Variants in GAL3ST2 observed in about 807,000 individuals in gnomAD.
GAL3ST2 encodes galactose-3-O-sulfotransferase 2, also known as beta-galactose-3-O-sulfotransferase 2.
In GAL3ST2, 16 loss-of-function variants were observed where a neutral mutation model predicts 12.9. The ratio of observed to expected loss-of-function variants is 1.24; its 90% CI spans 0.84 to 1.88. GAL3ST2 has a LOEUF of 1.88. GAL3ST2 is among the 40% of genes most tolerant of loss of function. The pLI, the probability that GAL3ST2 is intolerant of heterozygous loss-of-function variation, is 0.00. For missense variants in GAL3ST2, 639 were observed against 571.8 expected (o/e 1.12, Z -1.20); for synonymous variants, 302 against 273.9 (o/e 1.10, Z -1.01).
intron 1 of GAL3ST2, among the ~76,000 whole-genome samples, chr2:241,794,116 T>C (rs1237099443): frequency 3.3e-5 from 5 of 151,882 alleles, no homozygotes; most frequent in Non-Finnish European, 5.9e-5. Flanking sequence ...CTGGCTAATT[T>C]TTGTATTTTT....
intron 1 of GAL3ST2, among the ~76,000 whole-genome samples, chr2:241,794,629 G>A (rs1017301821): frequency 5.9e-5 from 9 of 152,176 alleles, no homozygotes; most frequent in East Asian, 1.9e-4. Context: ...TCCAAGTCCC[G>A]AGGCTCCAAC....
intron 1 of GAL3ST2, 30 bp from the exon 2 acceptor site, chr2:241,799,035 C>A: frequency 6.4e-7 from 1 of 1,573,314 alleles, no homozygotes; most frequent in Non-Finnish European, 8.7e-7. Flanking sequence ...ACGACCCGGA[C>A]TGGGCACTCA....
At position 241,778,386 on chromosome 2, in the gene GAL3ST2, C is replaced by T. The variant is rs534738034; in HGVS notation, c.29+1402C>T. 1.2e-4 allele frequency among the ~76,000 whole-genome samples: 19 copies of T among 152,360 alleles called. No homozygotes were observed. In the South Asian group the frequency reaches 2.3e-3, roughly 18 times the overall value. On this transcript the variant is annotated intron_variant, in intron 1 of 3. Transcript: ENST00000192314. ...GCTAGTGAGGCCTAGTCTTGACCAC[C>T]GGCCACGGGAAATCCAGGCCGCCGG...
In GAL3ST2 at chr2:241,789,187, A is replaced by G. The variant is rs73106161; in HGVS notation, c.30-9878A>G. ...TCTGCTGTTACCTTTCTAGTGAGAT[A>G]AAAACCACTGTTTCGATCTAGCAGG... On this transcript the variant is annotated intron_variant, in intron 1 of 3. Coordinates refer to ENST00000192314, the MANE Select transcript of GAL3ST2 (RefSeq NM_022134.3). 6.8e-3 allele frequency among the ~76,000 whole-genome samples: 1,034 copies of G among 152,360 alleles called. 24 individuals are homozygous for G. The highest frequency in any genetic ancestry group is 0.023 in the African/African-American group (961 of 41,570).
At position 241,802,232 on chromosome 2, in the gene GAL3ST2, G is replaced by A. The variant is rs1021316226; in HGVS notation, c.375+196G>A. On this transcript the variant is annotated intron_variant, in intron 3 of 3. Transcript: ENST00000192314. This position sits in a 1 kb window ranked among gnomAD's most constrained non-coding sequence, Gnocchi z 4.8. The stretch of plus-strand genomic sequence containing the variant: ...CCCTCCAGGCGGCCAGTCGCCTGCC[G>A]TTGCTCTTGGAATGAGACCTGGGAG... Among the ~76,000 whole-genome samples, 4 of 152,158 alleles carry A rather than the reference G, an allele frequency of 2.6e-5. No homozygotes were observed. Among genetic ancestry groups the A allele is most frequent in the African/African-American group, 9.7e-5 (4 of 41,436 alleles).
chr2:241,798,136 G>C (rs909654190), intron 1 of GAL3ST2, among the ~76,000 whole-genome samples: 2 of 152,164 alleles, frequency 1.3e-5, no homozygotes, highest in Non-Finnish European at 2.9e-5. Context: ...CCGACTCCAC[G>C]GTCAGGCCTT....
intron 1 of GAL3ST2, among the ~76,000 whole-genome samples, chr2:241,794,945 G>A (rs1309121377): frequency 6.6e-6 from 1 of 152,084 alleles, no homozygotes; most frequent in Non-Finnish European, 1.5e-5. Context: ...CAGCCTTATT[G>A]AGATGCAATT....
At chr2:241,781,008 TC>T (rs1699559988) in intron 1 of GAL3ST2, among the ~76,000 whole-genome samples, 1 of 152,224 alleles carries the variant, frequency 6.6e-6, no homozygotes, top group South Asian at 2.1e-4. Context: ...AACCAGTTTC[TC>T]CAATTGTGTC....
intron 1 of GAL3ST2, among the ~76,000 whole-genome samples, chr2:241,784,429 A>G (rs1490999785): frequency 6.6e-6 from 1 of 152,174 alleles, no homozygotes; most frequent in Admixed American, 6.5e-5. Context: ...TTGACACCTT[A>G]TATTATTTGG....
Position 241,802,194 on chromosome 2 carries a change from A to G in GAL3ST2, c.375+158A>G, listed in dbSNP as rs1036114026. 6.6e-6 allele frequency among the ~76,000 whole-genome samples: 1 copy of G among 152,124 alleles called. No individual in the cohort carries two copies. Among genetic ancestry groups the G allele is most frequent in the Non-Finnish European group, 1.5e-5 (1 of 67,988 alleles). ...AGGGCCTGGGCCGCACGCCCTGCTG[A>G]GCCAACCCCTGCCCCTCCAGGCGGC... On this transcript the variant is annotated intron_variant, in intron 3 of 3. Coordinates refer to ENST00000192314, the MANE Select transcript of GAL3ST2 (RefSeq NM_022134.3). This position sits in a 1 kb window ranked among gnomAD's most constrained non-coding sequence, Gnocchi z 4.8.
At chr2:241,778,659 G>C (rs539556938) in intron 1 of GAL3ST2, among the ~76,000 whole-genome samples, 1 of 152,292 alleles carries the variant, frequency 6.6e-6, no homozygotes, top group East Asian at 1.9e-4. Flanking sequence ...CCAAGGGTGA[G>C]GACGTGCACC....
At chr2:241,796,010 T>G (rs547751914) in intron 1 of GAL3ST2, among the ~76,000 whole-genome samples, 1 of 152,334 alleles carries the variant, frequency 6.6e-6, no homozygotes, top group South Asian at 2.1e-4. Context: ...GTGGTGGCAC[T>G]GGCATTGGAG....
chr2:241,783,069 C>G (rs1439558588), intron 1 of GAL3ST2, among the ~76,000 whole-genome samples: 1 of 151,682 alleles, frequency 6.6e-6, no homozygotes, highest in Non-Finnish European at 1.5e-5. Context: ...ACCCGGGAGG[C>G]AGAGGTTGCA....
Position 241,804,234 on chromosome 2 carries a change from C to G in GAL3ST2, c.*68C>G. The G allele has an allele frequency of 7.7e-7, 1 of 1,305,742 alleles. No individual in the cohort carries two copies. Among genetic ancestry groups the G allele is most frequent in the Non-Finnish European group, 1.0e-6 (1 of 1,000,754 alleles). 80.9% of individuals were successfully genotyped at this position (1,305,742 alleles called of 1,614,324 possible). A position where few individuals can be genotyped will look rare whatever the true frequency, so the allele number is the denominator to read the frequency against. On this transcript the variant is annotated 3_prime_UTR_variant, in exon 4 of 4. Coordinates refer to ENST00000192314, the MANE Select transcript of GAL3ST2 (RefSeq NM_022134.3). Reference sequence around the variant, plus strand: ...CTCTCTCCGCCGTCACCGGGGAGGCCGGGGATCCTTGCAGGGCTTCTGGGG... The same window carrying G: ...CTCTCTCCGCCGTCACCGGGGAGGCGGGGGATCCTTGCAGGGCTTCTGGGG...
At chr2:241,794,068 T>C (rs1699739989) in intron 1 of GAL3ST2, among the ~76,000 whole-genome samples, 1 of 152,080 alleles carries the variant, frequency 6.6e-6, no homozygotes, top group African/African-American at 2.4e-5. Context: ...TGCATCAGCC[T>C]CTTAAGTAGC....
At chr2:241,796,851 G>A (rs1699777570) in intron 1 of GAL3ST2, among the ~76,000 whole-genome samples, 1 of 152,164 alleles carries the variant, frequency 6.6e-6, no homozygotes, top group African/African-American at 2.4e-5. Context: ...GCTGGGTGGG[G>A]CAGGCACTTT....
At chr2:241,792,136 C>A (rs139013602) in intron 1 of GAL3ST2, among the ~76,000 whole-genome samples, 11,817 of 151,504 alleles carry the variant, frequency 0.078, 515 homozygotes, top group African/African-American at 0.11. Context: ...CCCTCAGCCT[C>A]CCTAGTAGCT....
At chr2:241,783,386 T>G (rs1247031564) in intron 1 of GAL3ST2, among the ~76,000 whole-genome samples, 5 of 150,552 alleles carry the variant, frequency 3.3e-5, no homozygotes, top group Non-Finnish European at 1.5e-5. Context: ...CCATACAAGA[T>G]TCTTTCTAAT....
Position 241,786,207 on chromosome 2 carries a change from C to G in GAL3ST2, c.29+9223C>G, listed in dbSNP as rs547311037. Among the ~76,000 whole-genome samples, 8 of 149,532 alleles carry G rather than the reference C, an allele frequency of 5.4e-5. No individual in the cohort carries two copies. In the Admixed American group the frequency reaches 5.4e-4, roughly 10 times the overall value. On this transcript the variant is annotated intron_variant, in intron 1 of 3. Transcript: ENST00000192314. ...TTAACCATCTGAGAGGTCTTGTTCCCAATAATTTGGAACTTTTCTTCAGAT... is the reference window on the plus strand; with the variant it reads ...TTAACCATCTGAGAGGTCTTGTTCCGAATAATTTGGAACTTTTCTTCAGAT...
Sources: allele counts gnomAD v4.1 joint callset (sites outside exome capture counted in the v4.1 genomes callset), GRCh38; gene constraint gnomAD v4.1.1; non-coding constraint Gnocchi (gnomAD v3.1); transcripts MANE v1.5; gene names NCBI Gene and HGNC (gene_info 2026-07-23, HGNC 2026-07-21).